PTPRD: variants seen among roughly 807,000 people sequenced by gnomAD.
PTPRD encodes receptor-type tyrosine-protein phosphatase delta.
Under a neutral mutation model 214.5 loss-of-function variants are expected in PTPRD, and 34 were observed. That is an observed-to-expected ratio of 0.16 (90% CI 0.12 to 0.21). PTPRD has a LOEUF of 0.21. Ranked by LOEUF, PTPRD falls within the 10% of genes least tolerant of loss-of-function variation. The pLI is 1.00. For synonymous variants in PTPRD, 1,128 were observed against 845.7 expected (o/e 1.33, Z -5.79); for missense variants, 2,545 against 2,398.7 (o/e 1.06, Z -1.27).
At chr9:8,495,084 C>T (rs1366247699) in intron 26 of PTPRD, among the ~76,000 whole-genome samples, 1 of 152,084 alleles carries the variant, frequency 6.6e-6, no homozygotes, top group Non-Finnish European at 1.5e-5. Context: ...ATTATTTCTG[C>T]CCATATTCCT....
At chr9:8,614,643 A>C (rs991282624) in intron 14 of PTPRD, among the ~76,000 whole-genome samples, 1 of 152,138 alleles carries the variant, frequency 6.6e-6, no homozygotes, top group African/African-American at 2.4e-5. Context: ...AAAGGAGTTT[A>C]TGCAAGAAAT....
chr9:8,598,036 C>T (rs34455709), intron 14 of PTPRD, among the ~76,000 whole-genome samples: 2 of 151,910 alleles, frequency 1.3e-5, no homozygotes, highest in African/African-American at 4.8e-5. Context: ...CTTTTTATCC[C>T]CTTACTAGTT....
At chr9:9,752,924 A>G (rs1471704486) in intron 6 of PTPRD, among the ~76,000 whole-genome samples, 3 of 152,028 alleles carry the variant, frequency 2.0e-5, no homozygotes, top group Admixed American at 1.3e-4. Flanking sequence ...GTTCACTGGA[A>G]TGGCTGAACT....
intron 5 of PTPRD, among the ~76,000 whole-genome samples, chr9:9,871,934 T>A (rs1160890800): frequency 6.6e-6 from 1 of 151,994 alleles, no homozygotes; most frequent in Non-Finnish European, 1.5e-5. Context: ...TTGCCTATTT[T>A]ACAATTGCCA....
At chr9:8,407,383 C>G (rs147215315) in intron 35 of PTPRD, among the ~76,000 whole-genome samples, 50 of 152,270 alleles carry the variant, frequency 3.3e-4, no homozygotes, top group African/African-American at 9.4e-4. Context: ...GGGCCTACTT[C>G]GTGACAGGCT....
chr9:10,053,332 G>C (rs985368675), intron 3 of PTPRD, among the ~76,000 whole-genome samples: 13 of 152,102 alleles, frequency 8.5e-5, no homozygotes, highest in Non-Finnish European at 1.0e-4. Flanking sequence ...ATTCTCTTTT[G>C]TTCTTAGTAT....
At chr9:10,330,014 C>G (rs1256471908) in intron 3 of PTPRD, among the ~76,000 whole-genome samples, 1 of 151,782 alleles carries the variant, frequency 6.6e-6, no homozygotes, top group East Asian at 1.9e-4. Flanking sequence ...AAGTTGGACT[C>G]TAGTAGACAT....
intron 9 of PTPRD, among the ~76,000 whole-genome samples, chr9:9,281,724 T>A (rs1037019503): frequency 6.6e-6 from 1 of 151,350 alleles, no homozygotes; most frequent in East Asian, 2.0e-4. Flanking sequence ...TCTTACCATA[T>A]AATCTCACAA....
At chr9:10,378,913 G>T (rs1301660167) in intron 2 of PTPRD, among the ~76,000 whole-genome samples, 6 of 151,928 alleles carry the variant, frequency 3.9e-5, no homozygotes, top group Admixed American at 3.9e-4. Flanking sequence ...GGGTAGTACG[G>T]ACATTTTAAT....
chr9:10,508,979 G>A (rs527627306), intron 2 of PTPRD, among the ~76,000 whole-genome samples: 2 of 151,856 alleles, frequency 1.3e-5, no homozygotes, highest in Admixed American at 1.3e-4. Context: ...ATAAATTGGA[G>A]GCATATAATG....
chr9:9,463,816 A>C (rs1176019650), intron 8 of PTPRD, among the ~76,000 whole-genome samples: 4 of 151,998 alleles, frequency 2.6e-5, no homozygotes, highest in Non-Finnish European at 5.9e-5. Flanking sequence ...AAGTCTTAAA[A>C]CTTGAGAAAC....
intron 11 of PTPRD, among the ~76,000 whole-genome samples, chr9:8,964,842 T>A (rs2099182669): frequency 6.6e-6 from 1 of 152,160 alleles, no homozygotes; most frequent in Non-Finnish European, 1.5e-5. Context: ...AATTTGCATA[T>A]AATTGTGTGG....
chr9:10,583,543 C>T (rs2072809500), intron 2 of PTPRD, among the ~76,000 whole-genome samples: 1 of 152,068 alleles, frequency 6.6e-6, no homozygotes, highest in African/African-American at 2.4e-5. Context: ...GCTCCGCCTC[C>T]CGGGTTCACA....
At chr9:10,233,860 C>T (rs1007565179) in intron 3 of PTPRD, among the ~76,000 whole-genome samples, 3 of 151,512 alleles carry the variant, frequency 2.0e-5, no homozygotes, top group African/African-American at 7.3e-5. Context: ...AATGAGTAGC[C>T]CTAGTAAGAG....
At chr9:8,794,076 C>A (rs1474286126) in intron 11 of PTPRD, among the ~76,000 whole-genome samples, 1 of 152,122 alleles carries the variant, frequency 6.6e-6, no homozygotes, top group East Asian at 1.9e-4. Context: ...AGTGCAGCAG[C>A]CTGAATCAAA....
intron 3 of PTPRD, among the ~76,000 whole-genome samples, chr9:10,196,632 A>G (rs1323343842): frequency 1.3e-5 from 2 of 152,200 alleles, no homozygotes; most frequent in African/African-American, 4.8e-5. Flanking sequence ...GGGAAAATTC[A>G]TATGAAAAAA....
intron 2 of PTPRD, among the ~76,000 whole-genome samples, chr9:10,446,097 C>T (rs1361330725): frequency 6.6e-6 from 1 of 151,864 alleles, no homozygotes; most frequent in Non-Finnish European, 1.5e-5. Flanking sequence ...CATGTTCAGC[C>T]TCTAGAAAAA....
chr9:9,436,025 C>G (rs2085103984), intron 8 of PTPRD, among the ~76,000 whole-genome samples: 1 of 152,148 alleles, frequency 6.6e-6, no homozygotes, highest in African/African-American at 2.4e-5. Context: ...ATACCCTGAC[C>G]TCACCTCTAC....
chr9:8,524,381 T>C (rs548323872), intron 18 of PTPRD, among the ~76,000 whole-genome samples: 12 of 152,326 alleles, frequency 7.9e-5, no homozygotes, highest in Admixed American at 7.8e-4. Flanking sequence ...TAATACTATG[T>C]GTTTATAATT....
Sources: allele counts gnomAD v4.1 joint callset (sites outside exome capture counted in the v4.1 genomes callset), GRCh38; gene constraint gnomAD v4.1.1; transcripts MANE v1.5; gene names NCBI Gene and HGNC (gene_info 2026-07-23, HGNC 2026-07-21).